The following OTUD7A variants were observed in gnomAD, a reference collection of about 807,000 sequenced individuals.
OTUD7A encodes the protein OTU deubiquitinase 7A.
A neutral mutation model predicts 65.7 loss-of-function variants in OTUD7A; 12 were observed. The observed-to-expected ratio is 0.18, with a 90% confidence interval of 0.12 to 0.30. OTUD7A has a LOEUF of 0.30. Among genes scored for constraint, OTUD7A ranks in the 10% least tolerant of loss-of-function variants. OTUD7A has a pLI of 1.00. For missense variants in OTUD7A, 1,148 were observed against 1,304.8 expected, an observed-to-expected ratio of 0.88 and a Z score of 1.85; for synonymous variants, 641 against 586.3, an observed-to-expected ratio of 1.09 and a Z score of -1.35.
chr15:31,852,075 T>C (rs531288006), intron 1 of OTUD7A, among the ~76,000 whole-genome samples: 60 of 152,214 alleles, frequency 3.9e-4, no homozygotes, highest in Non-Finnish European at 7.5e-4. Flanking sequence ...GTCAGGCTGG[T>C]CTTGAACTCC....
At chr15:31,850,556 T>TAAC (rs1164636088) in intron 1 of OTUD7A, among the ~76,000 whole-genome samples, 1 of 150,936 alleles carries the variant, frequency 6.6e-6, no homozygotes, top group East Asian at 1.9e-4. Context: ...ACTTAAAGTA[T>TAAC]AATAATAATA....
At chr15:31,781,976 AAC>A (rs1387431878) in intron 1 of OTUD7A, among the ~76,000 whole-genome samples, 1 of 152,246 alleles carries the variant, frequency 6.6e-6, no homozygotes, top group African/African-American at 2.4e-5. Flanking sequence ...GTGAGAATTG[AAC>A]ACAGTTATAA....
intron 1 of OTUD7A, among the ~76,000 whole-genome samples, chr15:31,720,314 C>A (rs567067399): frequency 1.3e-5 from 2 of 151,496 alleles, no homozygotes; most frequent in African/African-American, 4.8e-5. Flanking sequence ...TCTGCATATA[C>A]AATGGTGGTC....
chr15:31,835,071 C>CA (rs1419905231), intron 1 of OTUD7A, among the ~76,000 whole-genome samples: 2 of 152,196 alleles, frequency 1.3e-5, no homozygotes, highest in Non-Finnish European at 2.9e-5. Context: ...CAAGGTCTGC[C>CA]AGCCTGTTCA....
At chr15:31,558,874 G>T in intron 5 of OTUD7A, 95 bp downstream of exon 5, 2 of 1,353,194 alleles carry the variant, frequency 1.5e-6, no homozygotes, top group South Asian at 2.5e-5. Flanking sequence ...CAGAGTCTGA[G>T]AACATGTGCC....
intron 1 of OTUD7A, among the ~76,000 whole-genome samples, chr15:31,686,329 G>C (rs189836094): frequency 9.2e-5 from 14 of 152,220 alleles, no homozygotes; most frequent in Admixed American, 9.2e-4. Flanking sequence ...CATGAGCGTG[G>C]AGCTCACTCA....
chr15:31,811,572 T>C (rs1057168832), intron 1 of OTUD7A, among the ~76,000 whole-genome samples: 3 of 152,082 alleles, frequency 2.0e-5, no homozygotes, highest in African/African-American at 7.2e-5. Context: ...TTTATGGGCA[T>C]TTGGCATGTG....
intron 8 of OTUD7A, among the ~76,000 whole-genome samples, chr15:31,521,157 G>A (rs1335353561): frequency 2.0e-5 from 3 of 152,140 alleles, no homozygotes; most frequent in Admixed American, 6.6e-5. Flanking sequence ...GGTGAGGACT[G>A]AAAAATTACA....
At chr15:31,685,576 G>A (rs1403185526) in intron 1 of OTUD7A, among the ~76,000 whole-genome samples, 1 of 152,132 alleles carries the variant, frequency 6.6e-6, no homozygotes, top group African/African-American at 2.4e-5. Flanking sequence ...GGAAAATGGT[G>A]TGAACCCGAG....
At chr15:31,547,427 T>G (rs1888166647) in intron 5 of OTUD7A, among the ~76,000 whole-genome samples, 1 of 152,184 alleles carries the variant, frequency 6.6e-6, no homozygotes, top group Non-Finnish European at 1.5e-5. Flanking sequence ...CAGTTTTATT[T>G]TACCACTTCT....
At chr15:31,582,478 A>G (rs1259545525) in intron 3 of OTUD7A, among the ~76,000 whole-genome samples, 1 of 152,198 alleles carries the variant, frequency 6.6e-6, no homozygotes, top group African/African-American at 2.4e-5. Context: ...AGACTGGGTA[A>G]TTTGTAGAGG....
intron 1 of OTUD7A, among the ~76,000 whole-genome samples, chr15:31,719,706 C>T (rs1438085808): frequency 6.6e-6 from 1 of 152,166 alleles, no homozygotes; most frequent in African/African-American, 2.4e-5. Context: ...GATTAAGTCC[C>T]TCTGCCCAGG....
At chr15:31,805,385 C>G (rs1896241733) in intron 1 of OTUD7A, among the ~76,000 whole-genome samples, 1 of 152,214 alleles carries the variant, frequency 6.6e-6, no homozygotes, top group South Asian at 2.1e-4. Context: ...TGACCCTCCC[C>G]AGGGCCCACT....
At chr15:31,661,411 C>T (rs1407497623) in intron 1 of OTUD7A, among the ~76,000 whole-genome samples, 1 of 152,078 alleles carries the variant, frequency 6.6e-6, no homozygotes, top group African/African-American at 2.4e-5. Context: ...TACTCTTGAG[C>T]TTAGATTTTT....
intron 1 of OTUD7A, among the ~76,000 whole-genome samples, chr15:31,855,698 A>T (rs767856169): frequency 2.0e-5 from 3 of 152,208 alleles, no homozygotes; most frequent in Non-Finnish European, 4.4e-5. Context: ...AAAATAGGGA[A>T]ATGGGTGGGA....
intron 3 of OTUD7A, among the ~76,000 whole-genome samples, chr15:31,617,280 A>C (rs765048081): frequency 7.9e-5 from 12 of 152,148 alleles, no homozygotes; most frequent in Non-Finnish European, 1.5e-4. Context: ...CGAGGTCAAG[A>C]GATTGAGACC....
Position 31,792,976 on chromosome 15 carries a change from G to A in OTUD7A, c.-100+77531C>T, listed in dbSNP as rs144131930. Among the ~76,000 whole-genome samples, 37 of 152,242 alleles carry A rather than the reference G, an allele frequency of 2.4e-4. 1 individual carries two copies. In the South Asian group the frequency reaches 4.4e-3, roughly 18 times the overall value. On this transcript the variant is annotated intron_variant, in intron 1 of 12. Transcript: ENST00000307050. ...GCAGATGCTCATCCTCCTCACCGCCGGCCACGGGAGACACCACGTGCCTCA... is the reference window on the plus strand; with the variant it reads ...GCAGATGCTCATCCTCCTCACCGCCAGCCACGGGAGACACCACGTGCCTCA...
chr15:31,754,659 T>C (rs1437777276), intron 1 of OTUD7A, among the ~76,000 whole-genome samples: 1 of 151,540 alleles, frequency 6.6e-6, no homozygotes, highest in Non-Finnish European at 1.5e-5. Flanking sequence ...GAAGATCAGT[T>C]GGCTGTAAGT....
intron 1 of OTUD7A, among the ~76,000 whole-genome samples, chr15:31,724,203 CA>C (rs1893822687): frequency 1.3e-5 from 2 of 152,128 alleles, no homozygotes; most frequent in Admixed American, 1.3e-4. Flanking sequence ...TTTTCATTTA[CA>C]AAAACGATTT....
Sources: allele counts gnomAD v4.1 joint callset (sites outside exome capture counted in the v4.1 genomes callset), GRCh38; gene constraint gnomAD v4.1.1; transcripts MANE v1.5; gene names NCBI Gene and HGNC (gene_info 2026-07-23, HGNC 2026-07-21).